Variants in ADCY7 observed in about 807,000 individuals in gnomAD.
The protein encoded by ADCY7 is adenylate cyclase type 7.
ADCY7 carries 72 observed loss-of-function variants against 120.6 expected under a neutral mutation model. That is an observed-to-expected ratio of 0.60 (90% CI 0.49 to 0.73). The LOEUF (loss-of-function observed/expected upper bound fraction) is 0.73, where lower values mean the gene tolerates loss of function less well. ADCY7 is among the 30% of genes least tolerant of loss of function. ADCY7 has a pLI of 0.00. For synonymous variants in ADCY7, 661 were observed against 628.0 expected (o/e 1.05, Z -0.78); for missense variants, 1,227 against 1,486.0 (o/e 0.83, Z 2.87).
intron 18 of ADCY7, 95 bp downstream of exon 18, chr16:50,309,741 CCT>C (rs1567578501): frequency 2.8e-6 from 3 of 1,072,614 alleles, no homozygotes; most frequent in African/African-American, 3.2e-5. Context: ...GGTGCTGACC[CCT>C]GAGAGCACAG....
intron 15 of ADCY7, among the ~76,000 whole-genome samples, chr16:50,307,851 C>T (rs1404489066): frequency 6.6e-6 from 1 of 152,060 alleles, no homozygotes; most frequent in African/African-American, 2.4e-5. Flanking sequence ...CAAAAATTAG[C>T]TGGGCGTGGT....
intron 8 of ADCY7, among the ~76,000 whole-genome samples, chr16:50,300,137 C>G (rs145460442): frequency 3.9e-5 from 6 of 152,276 alleles, no homozygotes; most frequent in African/African-American, 1.4e-4. Flanking sequence ...CAGAGCGTAT[C>G]TCGGTTCACC....
upstream of ADCY7, among the ~76,000 whole-genome samples, chr16:50,245,257 T>G (rs2032544439): frequency 6.6e-6 from 1 of 152,176 alleles, no homozygotes; most frequent in Non-Finnish European, 1.5e-5. Flanking sequence ...GCTAGGGCCT[T>G]GGGGGTCGGA....
chr16:50,273,301 T>G (rs1033095962), intron 1 of ADCY7, among the ~76,000 whole-genome samples: 2 of 152,216 alleles, frequency 1.3e-5, no homozygotes, highest in African/African-American at 4.8e-5. Context: ...GGAGCTGAGA[T>G]TCACGGCCTG....
chr16:50,264,745 G>T (rs964128064), upstream of ADCY7, among the ~76,000 whole-genome samples: 1 of 151,902 alleles, frequency 6.6e-6, no homozygotes, highest in African/African-American at 2.4e-5. Flanking sequence ...GGTCATTTTG[G>T]CATCCTCTTT....
Position 50,292,667 on chromosome 16 carries a change from T to C in ADCY7, c.538-9T>C. ...CCACATAATGAGCCAAACCCCTGTC[T>C]ACCCGCAGCTGCTGGCCAACGCAGT... On this transcript the variant is annotated splice_polypyrimidine_tract_variant and intron_variant, in intron 4 of 25. Transcript: ENST00000673801. 6.2e-7 allele frequency: 1 copy of C among 1,613,352 alleles called. No individual in the cohort carries two copies. The highest frequency in any genetic ancestry group is 8.5e-7 in the Non-Finnish European group (1 of 1,179,612).
Position 50,290,616 on chromosome 16 carries a change from C to T in ADCY7, c.331C>T (p.Leu111=). The T allele has an allele frequency of 6.2e-7, 1 of 1,614,110 alleles. No individual in the cohort carries two copies. Among genetic ancestry groups the T allele is most frequent in the East Asian group, 2.2e-5 (1 of 44,886 alleles). ...CTGCTTGGTGGCGCTGGGCTATGTG[C>T]TGGTGTTCGACGCATGGACAAAGGC... is the stretch of plus-strand genomic sequence containing the variant. ...WACLVALGYV[L]VFDAWTKAAC... The change falls in exon 3 of 26, where the codon CTG becomes TTG. Residue 111 remains leucine (L), a synonymous_variant. Transcript: ENST00000673801.
At chr16:50,256,311 T>C (rs2150789289) in intron 1 of ADCY7, among the ~76,000 whole-genome samples, 1 of 152,026 alleles carries the variant, frequency 6.6e-6, no homozygotes, top group East Asian at 1.9e-4. Context: ...GACCAACAGG[T>C]ATACAAAAAA....
intron 1 of ADCY7, among the ~76,000 whole-genome samples, chr16:50,271,970 C>T (rs2033604511): frequency 6.6e-6 from 1 of 152,182 alleles, no homozygotes; most frequent in South Asian, 2.1e-4. Context: ...CCCTGTTTCC[C>T]CCACCACCGC....
chr16:50,291,179 C>T lies in ADCY7; in HGVS notation c.375+519C>T, dbSNP rs1280655592. Among the ~76,000 whole-genome samples the T allele has an allele frequency of 2.6e-5, 4 of 152,264 alleles. No homozygotes were observed. In the South Asian group the frequency reaches 8.3e-4, roughly 32 times the overall value. ...CAGTCCCAGAGAGGCTGTCACCAAG[C>T]GGTAGCACACTCTGACCAGTGGGCC... On this transcript the variant is annotated intron_variant, in intron 3 of 25. Transcript: ENST00000673801.
intron 7 of ADCY7, among the ~76,000 whole-genome samples, chr16:50,295,528 G>C (rs539472195): frequency 1.3e-5 from 2 of 151,966 alleles, no homozygotes; most frequent in African/African-American, 2.4e-5. Context: ...AAAAATATCT[G>C]AGGAGGAAAG....
chr16:50,299,881 T>A (rs1007294038), intron 8 of ADCY7, among the ~76,000 whole-genome samples: 3 of 152,090 alleles, frequency 2.0e-5, no homozygotes, highest in Admixed American at 2.0e-4. Flanking sequence ...TCTGTTCCTG[T>A]CTTGGGCGTC....
Position 50,292,808 on chromosome 16 carries a change from A to G in ADCY7, c.670A>G (p.Ile224Val), listed in dbSNP as rs765543604. Residue 224 changes from isoleucine (I) to valine (V), a missense_variant, in exon 5 of 26, where the codon ATC (isoleucine) becomes GTC (valine). By Grantham distance (29) the Ile-to-Val change is conservative. Coordinates refer to ENST00000673801, the MANE Select transcript of ADCY7 (RefSeq NM_001114.5). ...CATCCAGATCCGCCGGAAGCTGCGC[A>G]TCGAGAAGCGCCAGCAGGTGGGACC... ...KCIQIRRKLR[I>V]EKRQQENLLL... 2 of 1,613,594 alleles carry G rather than the reference A, an allele frequency of 1.2e-6. No individual in the cohort carries two copies. The highest frequency in any genetic ancestry group is 1.7e-6 in the Non-Finnish European group (2 of 1,179,956).
Position 50,304,395 on chromosome 16 carries a change from C to G in ADCY7, c.1404C>G (p.Pro468=). ...QQPPPPSQHL[P]RPKGDAALKM... is the part of the protein sequence containing the mutation. ...CACCCCCGCCCAGCCAACACCTCCC[C>G]AGGCCCAAGGGGGACGCGGCCCTGA... Residue 468 remains proline (P), a synonymous_variant, in exon 11 of 26, where the codon CCC becomes CCG. Transcript: ENST00000673801. 1 of 1,573,110 alleles carries G rather than the reference C, an allele frequency of 6.4e-7. No individual in the cohort carries two copies. The highest frequency in any genetic ancestry group is 1.2e-5 in the South Asian group (1 of 86,000).
intron 18 of ADCY7, chr16:50,310,470 T>C (rs558091295): frequency 2.0e-6 from 3 of 1,536,340 alleles, no homozygotes; most frequent in African/African-American, 2.7e-5. Context: ...CATACTGTTT[T>C]TTCCCGTTTA....
upstream of ADCY7, among the ~76,000 whole-genome samples, chr16:50,245,733 C>T (rs2032559900): frequency 6.6e-6 from 1 of 152,108 alleles, no homozygotes; most frequent in Admixed American, 6.5e-5. Context: ...TCCAGAAACA[C>T]GGGCGCTCCT....
chr16:50,307,420 C>T (rs541828490), intron 15 of ADCY7, among the ~76,000 whole-genome samples: 2 of 152,312 alleles, frequency 1.3e-5, no homozygotes, highest in East Asian at 1.9e-4. Context: ...TGGTTGACAG[C>T]CCTTGCCTTA....
intron 1 of ADCY7, among the ~76,000 whole-genome samples, chr16:50,281,636 G>A (rs1006008598): frequency 1.3e-5 from 2 of 152,214 alleles, no homozygotes; most frequent in African/African-American, 4.8e-5. Flanking sequence ...GTCAGGGGCC[G>A]GGATATTGGA....
intron 21 of ADCY7, 101 bp downstream of exon 21, chr16:50,312,292 T>C: frequency 7.3e-7 from 1 of 1,367,810 alleles, no homozygotes. Flanking sequence ...GAGCTTGGCT[T>C]CCTCAGGTCC....
Sources: allele counts gnomAD v4.1 joint callset (sites outside exome capture counted in the v4.1 genomes callset), GRCh38; gene constraint gnomAD v4.1.1; transcripts MANE v1.5; gene names NCBI Gene and HGNC (gene_info 2026-07-23, HGNC 2026-07-21).